The following LRP2 variants were observed in gnomAD, a reference collection of about 807,000 sequenced individuals.
The protein encoded by LRP2 is LDL receptor related protein 2.
LRP2 carries 172 observed loss-of-function variants against 531.0 expected under a neutral mutation model. The ratio of observed to expected loss-of-function variants is 0.32; its 90% CI spans 0.29 to 0.37. LRP2 has a LOEUF of 0.37. Ranked by LOEUF, LRP2 falls within the 10% of genes least tolerant of loss-of-function variation. LRP2 has a pLI of 1.00. For missense variants in LRP2, 5,167 were observed against 5,868.3 expected (o/e 0.88, Z 3.90); for synonymous variants, 1,992 against 2,027.6 (o/e 0.98, Z 0.47).
intron 1 of LRP2, among the ~76,000 whole-genome samples, chr2:169,326,881 T>A (rs1241971821): frequency 7.3e-6 from 1 of 137,266 alleles, no homozygotes; most frequent in African/African-American, 2.8e-5. Context: ...CCGTCTGGGA[T>A]GTGAGGAGTG....
chr2:169,182,217 G>C lies in LRP2; in HGVS notation c.9948C>G (p.Asn3316Lys). Residue 3316 changes from asparagine (N) to lysine (K), a missense_variant, in exon 51 of 79, where the codon AAC (asparagine) becomes AAG (lysine). Coordinates refer to ENST00000649046, the MANE Select transcript of LRP2 (RefSeq NM_004525.3). Reference protein sequence around the residue: ...MLAQHCVDANNTFCFDNPRGL... With the variant: ...MLAQHCVDANKTFCFDNPRGL... ...CTCTGGGATTATCAAAGCAGAAGGT[G>C]TTGTTGGCATCCACACAGTGCTGGG... 1 of 1,614,186 alleles carries C rather than the reference G, an allele frequency of 6.2e-7. No individual in the cohort carries two copies. The highest frequency in any genetic ancestry group is 2.2e-5 in the East Asian group (1 of 44,890).
chr2:169,278,704 A>G (rs1399488970), intron 12 of LRP2, among the ~76,000 whole-genome samples: 1 of 152,260 alleles, frequency 6.6e-6, no homozygotes, highest in East Asian at 1.9e-4. Context: ...AATAATCATC[A>G]TTCACAAAGA....
chr2:169,218,674 G>A (rs1688881082), intron 34 of LRP2, among the ~76,000 whole-genome samples: 1 of 152,156 alleles, frequency 6.6e-6, no homozygotes, highest in African/African-American at 2.4e-5. Flanking sequence ...CTTCCGTGCA[G>A]TTAGCTGTGG....
rs565675366 is a variant in LRP2, at chr2:169,155,832, C to T, written c.12151+442G>A. Among the ~76,000 whole-genome samples, 8 of 152,240 alleles carry T rather than the reference C, an allele frequency of 5.3e-5. No homozygotes were observed. The South Asian group carries it at 6.2e-4, about 12-fold the overall frequency. On this transcript the variant is annotated intron_variant, in intron 65 of 78. Coordinates refer to ENST00000649046, the MANE Select transcript of LRP2 (RefSeq NM_004525.3). ...TATGTCCTTGATTTGCCCCAATTCA[C>T]GAGCCCTCTTGGACTACTGGGCCTC... is the stretch of plus-strand genomic sequence containing the variant.
At chr2:169,288,438 G>T (rs1683913429) in intron 9 of LRP2, among the ~76,000 whole-genome samples, 1 of 152,172 alleles carries the variant, frequency 6.6e-6, no homozygotes, top group South Asian at 2.1e-4. Flanking sequence ...TAAAGAATCT[G>T]CTCATCTTGA....
chr2:169,177,131 T>C, intron 53 of LRP2, among the ~76,000 whole-genome samples: 1 of 152,238 alleles, frequency 6.6e-6, no homozygotes, highest in Non-Finnish European at 1.5e-5. Flanking sequence ...TTTATTTTGC[T>C]AATTCTCATT....
At chr2:169,191,536 T>G (rs1051522125) in intron 48 of LRP2, among the ~76,000 whole-genome samples, 3 of 152,002 alleles carry the variant, frequency 2.0e-5, no homozygotes, top group Non-Finnish European at 2.9e-5. Flanking sequence ...AAAATTATAT[T>G]TAATTTTAAA....
At chr2:169,212,364 T>A (rs974931002) in intron 36 of LRP2, among the ~76,000 whole-genome samples, 157 bp from the exon 37 acceptor site, 6 of 152,298 alleles carry the variant, frequency 3.9e-5, no homozygotes, top group Non-Finnish European at 8.8e-5. Flanking sequence ...TCGGAGAGAC[T>A]AGAGCTTATA....
rs1168537975 is a variant in LRP2, at chr2:169,127,371, G to T, written c.*1292C>A. 6.6e-6 allele frequency: 1 copy of T among 151,884 alleles called. No homozygotes were observed. Among genetic ancestry groups the T allele is most frequent in the Admixed American group, 6.6e-5 (1 of 15,226 alleles). 9.4% of individuals were successfully genotyped at this position (151,884 alleles called of 1,614,324 possible). A position where few individuals can be genotyped will look rare whatever the true frequency, so the allele number is the denominator to read the frequency against. Reference sequence around the variant, plus strand: ...TGGGAAAGTGTATATTCCTGCCATGGTTCCTGTTGTGCAGACTATACCCAC... The same window carrying T: ...TGGGAAAGTGTATATTCCTGCCATGTTTCCTGTTGTGCAGACTATACCCAC... On this transcript the variant is annotated 3_prime_UTR_variant, in exon 79 of 79. Coordinates refer to ENST00000649046, the MANE Select transcript of LRP2 (RefSeq NM_004525.3).
Position 169,307,297 on chromosome 2 carries a change from A to T in LRP2, c.411T>A (p.Ala137=). The change falls in exon 4 of 79, where the codon GCT becomes GCA. Residue 137 remains alanine (A), a synonymous_variant. Transcript: ENST00000649046. ...CAGACTCACGGCAGTCATTCTCATC[A>T]GCTCCATCGGGGCAGTCTCTGACGT... ...CDHVRDCPDG[A]DENDCQYPTC... 6.2e-7 allele frequency: 1 copy of T among 1,612,534 alleles called. No homozygotes were observed. Among genetic ancestry groups the T allele is most frequent in the South Asian group, 1.1e-5 (1 of 91,064 alleles).
At chr2:169,215,278 A>T (rs1021974073) in intron 35 of LRP2, among the ~76,000 whole-genome samples, 46 of 152,228 alleles carry the variant, frequency 3.0e-4, no homozygotes, top group African/African-American at 1.0e-3. Context: ...GATCTGAAGT[A>T]ACTACTGTTA....
intron 3 of LRP2, among the ~76,000 whole-genome samples, chr2:169,312,744 TG>T (rs1480623899): frequency 6.6e-6 from 1 of 152,228 alleles, no homozygotes; most frequent in Non-Finnish European, 1.5e-5. Flanking sequence ...ATTTGAGTGT[TG>T]GCCTGCCTTG....
chr2:169,222,749 T>G (rs1212128996), intron 33 of LRP2, among the ~76,000 whole-genome samples: 1 of 152,198 alleles, frequency 6.6e-6, no homozygotes, highest in Non-Finnish European at 1.5e-5. Flanking sequence ...GGTCTCTCTC[T>G]CTCTCCTCCC....
At position 169,202,885 on chromosome 2, in the gene LRP2, C is replaced by A; in HGVS notation, c.8080G>T (p.Val2694Leu). The change falls in exon 43 of 79, where the codon GTG becomes TTG. Residue 2694 changes from valine to leucine, a missense_variant. By Grantham distance (32) the Val-to-Leu change is conservative. Transcript: ENST00000649046. The stretch of plus-strand genomic sequence containing the variant: ...GCACCACATCGTTCACCATTGTCCA[C>A]AATGCAGTGCTTCCTGTTGTTGGCC... ...YLANNRKHCI[V>L]DNGERCGASS... 3.1e-6 allele frequency: 5 copies of A among 1,614,240 alleles called. No homozygotes were observed. Among genetic ancestry groups the A allele is most frequent in the Non-Finnish European group, 4.2e-6 (5 of 1,180,046 alleles).
Position 169,235,535 on chromosome 2 carries a change from G to A in LRP2, c.4920+305C>T, listed in dbSNP as rs554119999. ...ATCACAGGCGTGAGCCACCGCGCCCGGCCACCTGACACAATTTTTAAAGGT... is the reference window on the plus strand; with the variant it reads ...ATCACAGGCGTGAGCCACCGCGCCCAGCCACCTGACACAATTTTTAAAGGT... On this transcript the variant is annotated intron_variant, in intron 29 of 78. Transcript: ENST00000649046. Among the ~76,000 whole-genome samples, 52 of 152,198 alleles carry A rather than the reference G, an allele frequency of 3.4e-4. 2 individuals carry two copies. Among genetic ancestry groups the A allele is most frequent in the Middle Eastern group, 6.8e-3 (2 of 294 alleles).
At chr2:169,192,268 T>C (rs1687856276) in intron 47 of LRP2, among the ~76,000 whole-genome samples, 1 of 152,214 alleles carries the variant, frequency 6.6e-6, no homozygotes, top group African/African-American at 2.4e-5. Flanking sequence ...AAATGTCTCA[T>C]TTATTTTTCC....
chr2:169,274,930 G>T, intron 14 of LRP2, 106 bp downstream of exon 14: 1 of 1,094,010 alleles, frequency 9.1e-7, no homozygotes, highest in Non-Finnish European at 1.4e-6. Context: ...ACTTGAGAAT[G>T]CCACCCAAAT....
At chr2:169,339,332 A>T (rs959647405) in intron 1 of LRP2, among the ~76,000 whole-genome samples, 1 of 152,146 alleles carries the variant, frequency 6.6e-6, no homozygotes, top group Non-Finnish European at 1.5e-5. Flanking sequence ...GATGTCTAAG[A>T]TTCACAAAAC....
intron 77 of LRP2, among the ~76,000 whole-genome samples, chr2:169,131,280 T>C (rs1685280125): frequency 6.6e-6 from 1 of 151,714 alleles, no homozygotes; most frequent in African/African-American, 2.4e-5. Flanking sequence ...TGTGTGTGTG[T>C]GTGTGTGTGA....
Sources: gnomAD v4.1 joint callset for allele counts (sites outside exome capture counted in the v4.1 genomes callset) on GRCh38, gnomAD v4.1.1 for gene constraint, MANE v1.5 for transcripts, NCBI Gene and HGNC (gene_info 2026-07-23, HGNC 2026-07-21) for gene names.